The following TRAPPC6A variants were observed in gnomAD, a reference collection of about 807,000 sequenced individuals.
TRAPPC6A encodes the protein TRAPP complex subunit 6A.
A neutral mutation model predicts 20.8 loss-of-function variants in TRAPPC6A; 25 were observed. The ratio of observed to expected loss-of-function variants is 1.20; its 90% confidence interval spans 0.88 to 1.68. The LOEUF is 1.68. Among genes scored for constraint, TRAPPC6A ranks in the 40% most tolerant of loss-of-function variants. The pLI, the probability that TRAPPC6A is intolerant of heterozygous loss-of-function variation, is 0.00. For synonymous variants in TRAPPC6A, 96 were observed against 93.3 expected, an observed-to-expected ratio of 1.03 and a Z score of -0.16; for missense variants, 215 against 211.6, an observed-to-expected ratio of 1.02 and a Z score of -0.10.
Position 45,163,420 on chromosome 19 carries a change from G to A in TRAPPC6A, c.449-197C>T, listed in dbSNP as rs1236241345. Among the ~76,000 whole-genome samples the A allele has an allele frequency of 6.6e-6, 1 of 152,176 alleles. No homozygotes were observed. Among genetic ancestry groups the A allele is most frequent in the Non-Finnish European group, 1.5e-5 (1 of 68,008 alleles). On this transcript the variant is annotated intron_variant, in intron 5 of 5. Coordinates refer to ENST00000585934, the MANE Select transcript of TRAPPC6A (RefSeq NM_001270891.2). The surrounding 1 kb of genome is among the most constrained non-coding windows in gnomAD (Gnocchi z 5.3). The stretch of plus-strand genomic sequence containing the variant: ...ATGAGGGCCACGGATGTGGCCCCAG[G>A]GAAGCGCCCGGCACGGGCTTCTGTG...
Position 45,172,369 on chromosome 19 carries a change from T to G in TRAPPC6A, c.84+5766A>C, listed in dbSNP as rs1285447928. Reference sequence around the variant, plus strand: ...GGGAGGGAGGCGGGTGGGGGCCATGTGCTCCACCCCTTCCTGTCTCTTGTG... The same window carrying G: ...GGGAGGGAGGCGGGTGGGGGCCATGGGCTCCACCCCTTCCTGTCTCTTGTG... On this transcript the variant is annotated intron_variant, in intron 1 of 5. Coordinates refer to ENST00000585934, the MANE Select transcript of TRAPPC6A (RefSeq NM_001270891.2). The surrounding 1 kb of genome is among the most constrained non-coding windows in gnomAD (Gnocchi z 4.2). Among the ~76,000 whole-genome samples, 2 of 151,584 alleles carry G rather than the reference T, an allele frequency of 1.3e-5. No homozygotes were observed. Among genetic ancestry groups the G allele is most frequent in the Admixed American group, 1.3e-4 (2 of 15,246 alleles).
rs985059186 is a variant in TRAPPC6A, at chr19:45,173,996, G to A, written c.84+4139C>T. Among the ~76,000 whole-genome samples the A allele has an allele frequency of 6.6e-6, 1 of 152,312 alleles. No homozygotes were observed. The highest frequency in any genetic ancestry group is 2.1e-4 in the South Asian group (1 of 4,818). ...TCGTGTGCTCTGAAAGGCTGGTGGT[G>A]AGCAGAGCTGAGTAAGCCAGTTTCC... On this transcript the variant is annotated intron_variant, in intron 1 of 5. Transcript: ENST00000585934. This position sits in a 1 kb window ranked among gnomAD's most constrained non-coding sequence, Gnocchi z 4.8.
rs1048676282 is a variant in TRAPPC6A at position 45,168,455 on chromosome 19, G to A, written c.85-3261C>T. 7.9e-5 allele frequency among the ~76,000 whole-genome samples: 12 copies of A among 152,284 alleles called. No individual in the cohort carries two copies. The East Asian group carries it at 1.9e-3, about 24-fold the overall frequency. ...ACAGAACGCCATCCCATCACAGGGC[G>A]CACACGGGCCCACACTCACTCACAC... On this transcript the variant is annotated intron_variant, in intron 1 of 5. Transcript: ENST00000585934.
chr19:45,165,729 A>G lies in TRAPPC6A; in HGVS notation c.85-535T>C, dbSNP rs191156269. Among the ~76,000 whole-genome samples, 149 of 152,244 alleles carry G rather than the reference A, an allele frequency of 9.8e-4. 1 individual carries two copies. The highest frequency in any genetic ancestry group is 8.4e-3 in the Admixed American group (128 of 15,298). ...ACACGTGGAAGCTCGGGACAGGCAGATCTTCGTTTGGGTGCTCGAAAAGGA... is the reference window on the plus strand; with the variant it reads ...ACACGTGGAAGCTCGGGACAGGCAGGTCTTCGTTTGGGTGCTCGAAAAGGA... On this transcript the variant is annotated intron_variant, in intron 1 of 5. Transcript: ENST00000585934.
Position 45,172,027 on chromosome 19 carries a change from C to G in TRAPPC6A, c.84+6108G>C, listed in dbSNP as rs575412260. The stretch of plus-strand genomic sequence containing the variant: ...GGTAGAAAAGCCACGGCTGCTTCCT[C>G]CAAGGGCTTCTCCTCCTTAGAGAAC... On this transcript the variant is annotated intron_variant, in intron 1 of 5. Transcript: ENST00000585934. The surrounding 1 kb of genome is among the most constrained non-coding windows in gnomAD (Gnocchi z 4.2). Among the ~76,000 whole-genome samples, 2 of 152,098 alleles carry G rather than the reference C, an allele frequency of 1.3e-5. No individual in the cohort carries two copies. Among genetic ancestry groups the G allele is most frequent in the African/African-American group, 2.4e-5 (1 of 41,460 alleles).
At chr19:45,168,104 G>A (rs1217248710) in intron 1 of TRAPPC6A, among the ~76,000 whole-genome samples, 2 of 142,920 alleles carry the variant, frequency 1.4e-5, no homozygotes, top group Non-Finnish European at 3.0e-5. Flanking sequence ...CCGGGTTCAC[G>A]CCATTCTCCT....
At chr19:45,177,758 TA>T (rs1969422107) in intron 1 of TRAPPC6A, among the ~76,000 whole-genome samples, 1 of 152,182 alleles carries the variant, frequency 6.6e-6, no homozygotes, top group African/African-American at 2.4e-5. Flanking sequence ...CGCTGAGGCT[TA>T]GGTACGTTAT....
chr19:45,164,944 C>T lies in TRAPPC6A; in HGVS notation c.179G>A (p.Arg60Lys), dbSNP rs1434454906. The part of the protein sequence containing the change: ...ERLPRETLAF[R>K]EELDVLKFLC... ...GAACTTGAGGACATCCAGCTCCTCC[C>T]TGAAGGCCAGCGTCTCCCGGGGCAG... is the stretch of plus-strand genomic sequence containing the variant. Residue 60 changes from arginine (R) to lysine (K), a missense_variant, in exon 3 of 6, where the codon AGG becomes AAG. Arg to Lys is a conservative substitution (Grantham distance 26). Transcript: ENST00000585934. The T allele has an allele frequency of 1.2e-6, 2 of 1,614,152 alleles. No homozygotes were observed. Among genetic ancestry groups the T allele is most frequent in the Non-Finnish European group, 1.7e-6 (2 of 1,179,998 alleles).
At chr19:45,177,028 A>G (rs1366432483) in intron 1 of TRAPPC6A, among the ~76,000 whole-genome samples, 2 of 152,082 alleles carry the variant, frequency 1.3e-5, no homozygotes, top group African/African-American at 4.8e-5. Flanking sequence ...AATACAAAAA[A>G]TTAGCCAGGT....
Position 45,163,886 on chromosome 19 carries a change from A to C in TRAPPC6A, c.448+30T>G. ...GAAGCCCCCAGCAACTCAAGGGATG[A>C]GAAGAATCCCCCCACCCCCCATGAC... On this transcript the variant is annotated intron_variant, in intron 5 of 5. Transcript: ENST00000585934. This position sits in a 1 kb window ranked among gnomAD's most constrained non-coding sequence, Gnocchi z 5.3. The C allele has an allele frequency of 6.0e-6, 9 of 1,496,740 alleles. No individual in the cohort carries two copies. The highest frequency in any genetic ancestry group is 7.3e-6 in the Non-Finnish European group (8 of 1,095,246). 92.7% of individuals were successfully genotyped at this position (1,496,740 alleles called of 1,614,324 possible). A position where few individuals can be genotyped will look rare whatever the true frequency, so the allele number is the denominator to read the frequency against.
chr19:45,174,996 T>G (rs1343257604), intron 1 of TRAPPC6A, among the ~76,000 whole-genome samples: 3 of 150,910 alleles, frequency 2.0e-5, no homozygotes, highest in African/African-American at 7.3e-5. Flanking sequence ...GCGCGGTGGC[T>G]CACACCTGTA....
At position 45,172,054 on chromosome 19, in the gene TRAPPC6A, A is replaced by G. The variant is rs1011673496; in HGVS notation, c.84+6081T>C. ...AAGGGCTTCTCCTCCTTAGAGAACA[A>G]AGGCCTTCCTGGCCCCTCTGGCCGG... On this transcript the variant is annotated intron_variant, in intron 1 of 5. Transcript: ENST00000585934. The surrounding 1 kb of genome is among the most constrained non-coding windows in gnomAD (Gnocchi z 4.2). 6.6e-5 allele frequency among the ~76,000 whole-genome samples: 10 copies of G among 151,832 alleles called. No individual in the cohort carries two copies. The highest frequency in any genetic ancestry group is 2.4e-4 in the African/African-American group (10 of 41,296).
Position 45,173,737 on chromosome 19 carries a change from A to C in TRAPPC6A, c.84+4398T>G, listed in dbSNP as rs1969309596. Among the ~76,000 whole-genome samples the C allele has an allele frequency of 6.6e-6, 1 of 152,208 alleles. No individual in the cohort carries two copies. The highest frequency in any genetic ancestry group is 1.5e-5 in the Non-Finnish European group (1 of 68,034). On this transcript the variant is annotated intron_variant, in intron 1 of 5. Coordinates refer to ENST00000585934, the MANE Select transcript of TRAPPC6A (RefSeq NM_001270891.2). This position sits in a 1 kb window ranked among gnomAD's most constrained non-coding sequence, Gnocchi z 4.8. ...GGCCAATAAAGAGAAAGGACTGAGG[A>C]AGCCGTTTCTCATGACAGGCCCCCT...
At chr19:45,174,481 G>T (rs1028906845) in intron 1 of TRAPPC6A, among the ~76,000 whole-genome samples, 1 of 152,108 alleles carries the variant, frequency 6.6e-6, no homozygotes. Context: ...AGTACACTCC[G>T]GCTGGGGGAG....
At chr19:45,175,309 T>C (rs111242354) in intron 1 of TRAPPC6A, among the ~76,000 whole-genome samples, 11,592 of 114,792 alleles carry the variant, frequency 0.1, 499 homozygotes, top group Middle Eastern at 0.17. Context: ...CACCTGTGGT[T>C]CCAGCTACTC....
In TRAPPC6A at chr19:45,164,870, G is replaced by C; in HGVS notation, c.253C>G (p.Leu85Val). ...GCTCCCACCTGGTGATTGGTGCGCA[G>C]GCTGTCCATCTGCTTCTGGAACACC... Reference protein sequence around the residue: ...VAVFQKQMDSLRTNHQGTYVL... With the variant: ...VAVFQKQMDSVRTNHQGTYVL... Residue 85 changes from leucine (L) to valine (V), a missense_variant, in exon 3 of 6, where the codon CTG (leucine) becomes GTG (valine). Coordinates refer to ENST00000585934, the MANE Select transcript of TRAPPC6A (RefSeq NM_001270891.2). The C allele has an allele frequency of 1.9e-6, 3 of 1,614,070 alleles. No homozygotes were observed. The highest frequency in any genetic ancestry group is 2.5e-6 in the Non-Finnish European group (3 of 1,179,960).
intron 1 of TRAPPC6A, among the ~76,000 whole-genome samples, chr19:45,171,747 G>A (rs1969272893): frequency 6.6e-6 from 1 of 152,186 alleles, no homozygotes; most frequent in African/African-American, 2.4e-5. Context: ...TACAGGGAAC[G>A]ATGCAGGAGA....
In TRAPPC6A at chr19:45,163,816, G is replaced by A; in HGVS notation, c.448+100C>T. 1.8e-6 allele frequency: 2 copies of A among 1,091,038 alleles called. No homozygotes were observed. The highest frequency in any genetic ancestry group is 2.6e-5 in the East Asian group (1 of 38,644). 67.6% of individuals were successfully genotyped at this position (1,091,038 alleles called of 1,614,324 possible). A position where few individuals can be genotyped will look rare whatever the true frequency, so the allele number is the denominator to read the frequency against. On this transcript the variant is annotated intron_variant, in intron 5 of 5. Transcript: ENST00000585934. This position sits in a 1 kb window ranked among gnomAD's most constrained non-coding sequence, Gnocchi z 5.3. ...GTGGCTGAGCAGGTGACTTAAAACT[G>A]GGCCTGCCTCCCAGGCACACACACA...
intron 1 of TRAPPC6A, 163 bp downstream of exon 1, chr19:45,177,972 C>G: frequency 7.5e-7 from 1 of 1,333,386 alleles, no homozygotes; most frequent in South Asian, 1.4e-5. Flanking sequence ...GAGCCGGCAC[C>G]GTCGCGAACG....
Sources: allele counts gnomAD v4.1 joint callset (sites outside exome capture counted in the v4.1 genomes callset), GRCh38; gene constraint gnomAD v4.1.1; non-coding constraint Gnocchi (gnomAD v3.1); transcripts MANE v1.5; gene names NCBI Gene and HGNC (gene_info 2026-07-23, HGNC 2026-07-21).